Variants in UTP18 observed in about 807,000 individuals in gnomAD.
UTP18 encodes U3 small nucleolar RNA-associated protein 18 homolog.
In UTP18, 36 loss-of-function variants were observed where a neutral mutation model predicts 61.1. That is an observed-to-expected ratio of 0.59 (90% CI 0.45 to 0.78). UTP18 has a LOEUF of 0.78. UTP18 is among the 30% of genes least tolerant of loss of function. The probability of loss-of-function intolerance (pLI) is 0.00; values close to 1 mark genes in which losing one functional copy is unlikely to be tolerated. For missense variants in UTP18, 753 were observed against 693.9 expected, an observed-to-expected ratio of 1.09 and a Z score of -0.96; for synonymous variants, 282 against 251.1, an observed-to-expected ratio of 1.12 and a Z score of -1.16.
chr17:51,273,185 ATT>A lies in UTP18; in HGVS notation c.623-162_623-161del, dbSNP rs35339641. On this transcript the variant is annotated intron_variant, in intron 4 of 13. Transcript: ENST00000225298. ...TGTCATCTTTTTCTTCTCCTTTAAAATTTTTTTTTTTTTTTTCCTGTTTTGCT... is the reference window on the plus strand; with the variant it reads ...TGTCATCTTTTTCTTCTCCTTTAAAATTTTTTTTTTTTTTCCTGTTTTGCT... Among the ~76,000 whole-genome samples, 650 of 142,240 alleles carry A rather than the reference ATT, an allele frequency of 4.6e-3. 4 individuals are homozygous for A. The highest frequency in any genetic ancestry group is 0.02 in the East Asian group (98 of 4,930). 93.3% of individuals were successfully genotyped at this position (142,240 alleles called of 152,430 possible). A position where few individuals can be genotyped will look rare whatever the true frequency, so the allele number is the denominator to read the frequency against.
chr17:51,264,425 A>G (rs1337381295), intron 2 of UTP18, among the ~76,000 whole-genome samples: 2 of 152,046 alleles, frequency 1.3e-5, no homozygotes, highest in Non-Finnish European at 2.9e-5. Flanking sequence ...TTATTTTCTA[A>G]TTTATTGCCT....
At chr17:51,272,882 A>G (rs1904574483) in intron 4 of UTP18, among the ~76,000 whole-genome samples, 1 of 152,112 alleles carries the variant, frequency 6.6e-6, no homozygotes, top group South Asian at 2.1e-4. Context: ...CTCCAGGGGG[A>G]AAAGCAGCCC....
chr17:51,273,376 G>C lies in UTP18; in HGVS notation c.637G>C (p.Asp213His), dbSNP rs779031199. ...KTSSDDESEE[D>H]EDDLLQRTGN... ...GTTTGACTTAGATGAAAGTGAAGAGGATGAAGATGATTTGTTGCAAAGGAC... is the reference window on the plus strand; with the variant it reads ...GTTTGACTTAGATGAAAGTGAAGAGCATGAAGATGATTTGTTGCAAAGGAC... The change falls in exon 5 of 14, where the codon GAT becomes CAT. Residue 213 changes from aspartate to histidine, a missense_variant. Physicochemically the swap from Asp to His is moderately conservative, Grantham distance 81. Transcript: ENST00000225298. 1 of 1,609,476 alleles carries C rather than the reference G, an allele frequency of 6.2e-7. No homozygotes were observed. The highest frequency in any genetic ancestry group is 8.5e-7 in the Non-Finnish European group (1 of 1,177,882).
chr17:51,263,437 A>G (rs750252362), intron 2 of UTP18, 51 bp downstream of exon 2: 4 of 1,291,548 alleles, frequency 3.1e-6, no homozygotes, highest in Non-Finnish European at 4.3e-6. Context: ...TAAAAAAGTT[A>G]TTTTGCAGAT....
rs765364527 is a variant in UTP18 at position 51,260,633 on chromosome 17, G to A, written c.49G>A (p.Ala17Thr). ...RRMKLDRRTG[A>T]KPKRKPGMRP... ...AATGAAACTGGACCGGAGAACCGGA[G>A]CGAAGCCGAAGCGGAAGCCCGGAAT... The change falls in exon 1 of 14, where the codon GCG (alanine) becomes ACG (threonine). Residue 17 changes from alanine (A) to threonine (T), a missense_variant. Physicochemically the swap from Ala to Thr is moderately conservative, Grantham distance 58 (BLOSUM62 0). Transcript: ENST00000225298. 3 of 1,612,686 alleles carry A rather than the reference G, an allele frequency of 1.9e-6. No individual in the cohort carries two copies. Among genetic ancestry groups the A allele is most frequent in the South Asian group, 2.2e-5 (2 of 91,074 alleles).
intron 4 of UTP18, among the ~76,000 whole-genome samples, chr17:51,271,784 C>T (rs1904539440): frequency 6.6e-6 from 1 of 152,110 alleles, no homozygotes; most frequent in Admixed American, 6.5e-5. Flanking sequence ...TCTCCTGCCT[C>T]AGCCACCCAA....
intron 2 of UTP18, among the ~76,000 whole-genome samples, chr17:51,264,819 A>C (rs2055543660): frequency 6.6e-6 from 1 of 151,750 alleles, no homozygotes; most frequent in Non-Finnish European, 1.5e-5. Flanking sequence ...AGTAGCTGGG[A>C]CTACAGGCAC....
intron 4 of UTP18, among the ~76,000 whole-genome samples, chr17:51,271,414 C>T (rs572360000): frequency 1.3e-5 from 2 of 152,072 alleles, no homozygotes; most frequent in South Asian, 2.1e-4. Context: ...TCAAGCAATC[C>T]TCCCACCTCA....
At chr17:51,279,105 T>C (rs577339448) in intron 7 of UTP18, among the ~76,000 whole-genome samples, 1 of 152,334 alleles carries the variant, frequency 6.6e-6, no homozygotes, top group East Asian at 1.9e-4. Context: ...TTTAAAAATA[T>C]AGACATATAT....
rs148588017 is a variant in UTP18 at position 51,278,226 on chromosome 17, G to A, written c.1012+922G>A. 3.2e-3 allele frequency among the ~76,000 whole-genome samples: 486 copies of A among 152,228 alleles called. 4 individuals are homozygous for A. The highest frequency in any genetic ancestry group is 0.01 in the Middle Eastern group (3 of 294). ...GTAAATGTGCACGTGAATCACCTGG[G>A]GGTCTCATTAAGCTGCAGATTCTGA... On this transcript the variant is annotated intron_variant, in intron 7 of 13. Transcript: ENST00000225298.
chr17:51,271,998 T>G (rs572362535), intron 4 of UTP18, among the ~76,000 whole-genome samples: 2 of 152,174 alleles, frequency 1.3e-5, no homozygotes, highest in African/African-American at 2.4e-5. Context: ...TTACGTATTT[T>G]TCAGCTCTAG....
At chr17:51,280,564 A>G (rs971667530) in intron 9 of UTP18, 85 bp downstream of exon 9, 9 of 1,332,490 alleles carry the variant, frequency 6.8e-6, no homozygotes, top group Non-Finnish European at 9.5e-6. Flanking sequence ...GTGTAATCCC[A>G]CCACTTTGGG....
At chr17:51,268,757 A>G (rs902841451) in intron 3 of UTP18, 80 bp from the exon 4 acceptor site, 21 of 1,154,672 alleles carry the variant, frequency 1.8e-5, no homozygotes, top group Middle Eastern at 1.9e-4. Context: ...GGGTGATTCA[A>G]CGTATATGCT....
At chr17:51,297,105 C>G in intron 13 of UTP18, 102 bp downstream of exon 13, 1 of 984,058 alleles carries the variant, frequency 1.0e-6, no homozygotes, top group Non-Finnish European at 1.5e-6. Flanking sequence ...TTCTCTACCC[C>G]TAAGTTACTG....
In UTP18 at chr17:51,260,589, C is replaced by T. The variant is rs530127984; in HGVS notation, c.5C>T (p.Pro2Leu). The change falls in exon 1 of 14, where the codon CCG becomes CTG. Residue 2 changes from proline (P) to leucine (L), a missense_variant. Physicochemically the swap from Pro to Leu is moderately conservative, Grantham distance 98 (BLOSUM62 -3). Coordinates refer to ENST00000225298, the MANE Select transcript of UTP18 (RefSeq NM_016001.3). Reference sequence around the variant, plus strand: ...CGTTTCTCCTCAAACCTAACGATGCCGCCGGAGCGGAGGAGACGAATGAAA... The same window carrying T: ...CGTTTCTCCTCAAACCTAACGATGCTGCCGGAGCGGAGGAGACGAATGAAA... The part of the protein sequence containing the change: M[P>L]PERRRRMKLD... 1.7e-5 allele frequency: 27 copies of T among 1,611,884 alleles called. No homozygotes were observed. The African/African-American group carries it at 1.7e-4, about 10-fold the overall frequency.
chr17:51,275,804 C>A (rs1904701069), intron 5 of UTP18, 62 bp from the exon 6 acceptor site: 5 of 1,340,612 alleles, frequency 3.7e-6, no homozygotes, highest in Non-Finnish European at 4.9e-6. Context: ...TTTCTTCTTA[C>A]TCTAAAGAAA....
intron 11 of UTP18, among the ~76,000 whole-genome samples, chr17:51,293,193 T>A (rs1024074317): frequency 6.6e-6 from 1 of 152,226 alleles, no homozygotes; most frequent in African/African-American, 2.4e-5. Context: ...TATTCATTAA[T>A]TTACTCATTC....
intron 2 of UTP18, among the ~76,000 whole-genome samples, chr17:51,265,533 G>A (rs554885514): frequency 1.4e-4 from 20 of 146,940 alleles, no homozygotes; most frequent in African/African-American, 5.0e-4. Flanking sequence ...AAAGTGCTGG[G>A]ATTGCAGGCA....
chr17:51,273,608 T>C (rs1904607982), intron 5 of UTP18, among the ~76,000 whole-genome samples, 158 bp downstream of exon 5: 1 of 151,542 alleles, frequency 6.6e-6, no homozygotes, highest in African/African-American at 2.4e-5. Context: ...GTTTTTTTTT[T>C]TTCCTTTTGC....
Sources: gnomAD v4.1 joint callset for allele counts (sites outside exome capture counted in the v4.1 genomes callset) on GRCh38, gnomAD v4.1.1 for gene constraint, MANE v1.5 for transcripts, NCBI Gene and HGNC (gene_info 2026-07-23, HGNC 2026-07-21) for gene names.